FGF14: variants seen among roughly 807,000 people sequenced by gnomAD.
The protein encoded by FGF14 is fibroblast growth factor 14.
In FGF14, 5 loss-of-function variants were observed where a neutral mutation model predicts 25.5. The ratio of observed to expected loss-of-function variants is 0.20; its 90% confidence interval spans 0.10 to 0.41. FGF14 has a LOEUF of 0.41. FGF14 is among the 10% of genes least tolerant of loss of function. FGF14 has a pLI of 1.00. For missense variants in FGF14, 222 were observed against 320.1 expected (o/e 0.69, Z 2.34); for synonymous variants, 138 against 118.3 (o/e 1.17, Z -1.08).
At chr13:101,940,429 T>C (rs1172670616) in intron 1 of FGF14, among the ~76,000 whole-genome samples, 1 of 152,212 alleles carries the variant, frequency 6.6e-6, no homozygotes, top group Admixed American at 6.5e-5. Flanking sequence ...CCAAGGTGAA[T>C]GGGAAAGAGT....
chr13:102,089,802 T>C (rs2044087207), intron 1 of FGF14, among the ~76,000 whole-genome samples: 1 of 152,228 alleles, frequency 6.6e-6, no homozygotes, highest in Admixed American at 6.5e-5. Context: ...AAGTGGTTTA[T>C]CAATCATATA....
chr13:102,054,732 A>G (rs959404640), intron 1 of FGF14, among the ~76,000 whole-genome samples: 2 of 152,314 alleles, frequency 1.3e-5, no homozygotes, highest in Admixed American at 1.3e-4. Flanking sequence ...CCAAAACACA[A>G]GTCATTATGT....
intron 4 of FGF14, among the ~76,000 whole-genome samples, chr13:101,724,597 AATATATAT>A (rs201033233): frequency 0.29 from 35,578 of 121,076 alleles, 5,652 homozygotes; most frequent in Middle Eastern, 0.38. Context: ...ATAATAATAA[AATATATAT>A]ATATATATAT....
intron 3 of FGF14, among the ~76,000 whole-genome samples, chr13:101,770,256 G>T (rs957362299): frequency 6.6e-6 from 1 of 151,962 alleles, no homozygotes; most frequent in Non-Finnish European, 1.5e-5. Flanking sequence ...ATTCATTGTG[G>T]GCTAATGTGT....
intron 1 of FGF14, among the ~76,000 whole-genome samples, chr13:101,913,785 T>C (rs1228865329): frequency 6.6e-6 from 1 of 152,152 alleles, no homozygotes; most frequent in African/African-American, 2.4e-5. Context: ...GACTACTTTA[T>C]CTAATTAGAT....
intron 4 of FGF14, among the ~76,000 whole-genome samples, chr13:101,725,742 T>C (rs886877627): frequency 6.6e-6 from 1 of 152,068 alleles, no homozygotes; most frequent in African/African-American, 2.4e-5. Context: ...ATTGTAGATC[T>C]GATCTTCTGC....
chr13:102,213,319 G>A (rs2050236860), intron 1 of FGF14, among the ~76,000 whole-genome samples: 1 of 152,204 alleles, frequency 6.6e-6, no homozygotes, highest in African/African-American at 2.4e-5. Flanking sequence ...AAAGGGTTTA[G>A]AACCTCATAA....
At chr13:102,380,858 T>C (rs1469476802) in intron 1 of FGF14, among the ~76,000 whole-genome samples, 1 of 152,154 alleles carries the variant, frequency 6.6e-6, no homozygotes, top group Non-Finnish European at 1.5e-5. Flanking sequence ...TCAGAACCAT[T>C]TTTAATCAAA....
At chr13:102,376,868 AG>A (rs1453747033) in intron 1 of FGF14, among the ~76,000 whole-genome samples, 1 of 152,166 alleles carries the variant, frequency 6.6e-6, no homozygotes, top group East Asian at 1.9e-4. Flanking sequence ...GATATTCCCA[AG>A]AAAGGGAGAA....
At chr13:102,182,146 G>C (rs886389207) in intron 1 of FGF14, among the ~76,000 whole-genome samples, 7 of 152,118 alleles carry the variant, frequency 4.6e-5, no homozygotes, top group Admixed American at 3.9e-4. Context: ...TAAAACTAGA[G>C]AGACTTTCCA....
At chr13:101,796,714 G>A (rs941605001) in intron 3 of FGF14, among the ~76,000 whole-genome samples, 2 of 152,054 alleles carry the variant, frequency 1.3e-5, no homozygotes, top group Non-Finnish European at 2.9e-5. Context: ...GAGTGAAGGA[G>A]AGAGGCCTCA....
intron 1 of FGF14, among the ~76,000 whole-genome samples, chr13:102,070,016 CA>C (rs763830853): frequency 1.4e-4 from 21 of 152,184 alleles, no homozygotes; most frequent in Admixed American, 7.8e-4. Context: ...GTAACCAGAA[CA>C]AAAATGAACA....
chr13:101,950,447 T>G (rs1471623191), intron 1 of FGF14, among the ~76,000 whole-genome samples: 1 of 152,210 alleles, frequency 6.6e-6, no homozygotes, highest in Non-Finnish European at 1.5e-5. Flanking sequence ...GTAAAGTCCT[T>G]AGTGATAGAA....
At chr13:101,746,156 T>C (rs1651758646) in intron 3 of FGF14, among the ~76,000 whole-genome samples, 1 of 152,068 alleles carries the variant, frequency 6.6e-6, no homozygotes, top group Non-Finnish European at 1.5e-5. Flanking sequence ...CCCTCTCAAA[T>C]GTGGCTGAGA....
intron 1 of FGF14, among the ~76,000 whole-genome samples, chr13:102,322,998 G>A (rs191636946): frequency 1.1e-4 from 17 of 152,190 alleles, no homozygotes; most frequent in South Asian, 2.1e-4. Context: ...CCTTACGCTA[G>A]CATTTCTTAA....
At chr13:102,112,366 C>G (rs572174170) in intron 1 of FGF14, among the ~76,000 whole-genome samples, 2 of 151,640 alleles carry the variant, frequency 1.3e-5, no homozygotes, top group Admixed American at 1.3e-4. Flanking sequence ...CACCTGCCAC[C>G]CCCCAGCCCA....
Position 102,217,161 on chromosome 13 carries a change from T to C in FGF14, c.208+184310A>G, listed in dbSNP as rs575969021. Among the ~76,000 whole-genome samples, 22 of 152,346 alleles carry C rather than the reference T, an allele frequency of 1.4e-4. No individual in the cohort carries two copies. In the South Asian group the frequency reaches 4.6e-3, roughly 32 times the overall value. The stretch of plus-strand genomic sequence containing the variant: ...ACATATTGTTTTCATTTCCTTTACA[T>C]ACATACCCAGTAGTGAACATTCTTA... On this transcript the variant is annotated intron_variant, in intron 1 of 4. Transcript: ENST00000376131.
intron 1 of FGF14, among the ~76,000 whole-genome samples, chr13:102,316,307 T>C (rs2056018632): frequency 6.6e-6 from 1 of 152,212 alleles, no homozygotes; most frequent in African/African-American, 2.4e-5. Context: ...TTACCAACAA[T>C]AGTCTCTCAA....
In FGF14 at chr13:101,714,154, A is replaced by G. The variant is rs143236339; in HGVS notation, c.*8677T>C. 205 of 316,864 alleles carry G rather than the reference A, an allele frequency of 6.5e-4. No individual in the cohort carries two copies. In the Middle Eastern group the frequency reaches 0.015, roughly 23 times the overall value. The allele number at this position is 316,864 out of a possible 1,614,324, so 19.6% of individuals were successfully genotyped here. A position where few individuals can be genotyped will look rare whatever the true frequency, so the allele number is the denominator to read the frequency against. The stretch of plus-strand genomic sequence containing the variant: ...CTTTTTTGGAAGACCATCTATAAGA[A>G]TCAACCCCATCCTGCTCTCATTGAC... On this transcript the variant is annotated 3_prime_UTR_variant, in exon 5 of 5. Coordinates refer to ENST00000376143, the MANE Select transcript of FGF14 (RefSeq NM_004115.4).
Sources: gnomAD v4.1 joint callset for allele counts (sites outside exome capture counted in the v4.1 genomes callset) on GRCh38, gnomAD v4.1.1 for gene constraint, MANE v1.5 for transcripts, NCBI Gene and HGNC (gene_info 2026-07-23, HGNC 2026-07-21) for gene names.